SHANK2: variants seen among roughly 807,000 people sequenced by gnomAD.
SHANK2 encodes the protein SH3 and multiple ankyrin repeat domains 2.
Under a neutral mutation model 133.7 loss-of-function variants are expected in SHANK2, and 43 were observed. That is an observed-to-expected ratio of 0.32 (90% CI 0.25 to 0.41). The LOEUF (loss-of-function observed/expected upper bound fraction) is 0.41, where lower values mean the gene tolerates loss of function less well. Among genes scored for constraint, SHANK2 ranks in the 10% least tolerant of loss-of-function variants. SHANK2 has a pLI of 1.00. For missense variants in SHANK2, 1,994 were observed against 2,235.8 expected (o/e 0.89, Z 2.18); for synonymous variants, 1,017 against 952.8 (o/e 1.07, Z -1.24).
intron 17 of SHANK2, among the ~76,000 whole-genome samples, chr11:70,553,947 A>G (rs1701267650): frequency 2.6e-5 from 4 of 152,382 alleles, no homozygotes. Flanking sequence ...AAGAGGCTAC[A>G]GGCCTGGTGG....
chr11:70,508,601 G>A (rs1490237398), intron 17 of SHANK2, among the ~76,000 whole-genome samples: 2 of 152,198 alleles, frequency 1.3e-5, no homozygotes, highest in African/African-American at 4.8e-5. Context: ...TTATGAAAAG[G>A]GGAAATTTGG....
chr11:70,780,591 T>TTC (rs1555044911), intron 14 of SHANK2, among the ~76,000 whole-genome samples: 1 of 151,422 alleles, frequency 6.6e-6, no homozygotes, highest in African/African-American at 2.4e-5. Context: ...TTTTTTTTTT[T>TTC]CAGATAGAGT....
At chr11:70,783,390 T>C (rs1305037445) in intron 14 of SHANK2, among the ~76,000 whole-genome samples, 1 of 152,120 alleles carries the variant, frequency 6.6e-6, no homozygotes, top group African/African-American at 2.4e-5. Flanking sequence ...GGACTACGAC[T>C]GCCCACGGCG....
intron 14 of SHANK2, among the ~76,000 whole-genome samples, chr11:70,734,181 G>A (rs1411882249): frequency 1.3e-5 from 2 of 152,204 alleles, no homozygotes; most frequent in Admixed American, 6.5e-5. Context: ...CGGGCAGCAG[G>A]TGCGGCAGGG....
chr11:70,827,439 C>T (rs1428974232), intron 11 of SHANK2, among the ~76,000 whole-genome samples: 4 of 151,822 alleles, frequency 2.6e-5, no homozygotes, highest in Admixed American at 2.6e-4. Context: ...CCCTTGGAAG[C>T]CCTACATGGA....
At chr11:71,135,473 G>A (rs1952418818) in intron 3 of SHANK2, among the ~76,000 whole-genome samples, 1 of 149,944 alleles carries the variant, frequency 6.7e-6, no homozygotes, top group Admixed American at 6.8e-5. Flanking sequence ...CCCAGACTAG[G>A]GGGGATATGT....
Position 70,599,895 on chromosome 11 carries a change from AAGAAAGAAAGAGAAAGAAAG to A in SHANK2, c.2061+59913_2061+59932del, listed in dbSNP as rs1237787451. 3.0e-5 allele frequency among the ~76,000 whole-genome samples: 3 copies of A among 101,226 alleles called. No homozygotes were observed. The South Asian group carries it at 1.1e-3, about 36-fold the overall frequency. The allele number at this position is 101,226 out of a possible 152,430, so 66.4% of individuals were successfully genotyped here. The stretch of plus-strand genomic sequence containing the variant: ...AGAAAGAAAGAAAGAAAGAAAAAGA[AAGAAAGAAAGAGAAAGAAAG>A]AAAGAAAGAAAGAAAGAAAGAAAGA... On this transcript the variant is annotated intron_variant, in intron 17 of 25. Coordinates refer to ENST00000601538, the MANE Select transcript of SHANK2 (RefSeq NM_012309.5).
At chr11:70,559,313 C>T (rs1317460826) in intron 17 of SHANK2, among the ~76,000 whole-genome samples, 1 of 152,222 alleles carries the variant, frequency 6.6e-6, no homozygotes, top group African/African-American at 2.4e-5. Context: ...AGCCATCACA[C>T]CCGGCCCATA....
intron 15 of SHANK2, among the ~76,000 whole-genome samples, chr11:70,696,003 CA>C (rs1555022149): frequency 7.7e-6 from 1 of 130,074 alleles, no homozygotes; most frequent in East Asian, 2.1e-4. Context: ...GGTGAGGTCC[CA>C]GGACCTGGCA....
chr11:71,063,042 AAGAG>A (rs1308563172), intron 9 of SHANK2, among the ~76,000 whole-genome samples: 1 of 145,574 alleles, frequency 6.9e-6, no homozygotes, highest in African/African-American at 2.5e-5. Flanking sequence ...GAGAAAGAGA[AAGAG>A]AGAGAAAGAA....
At chr11:71,080,115 G>A (rs888466487) in intron 8 of SHANK2, among the ~76,000 whole-genome samples, 2 of 152,142 alleles carry the variant, frequency 1.3e-5, no homozygotes, top group African/African-American at 2.4e-5. Flanking sequence ...AGACAGCTGA[G>A]AGGGTGATAG....
At chr11:70,899,999 T>C (rs782634801) in intron 10 of SHANK2, among the ~76,000 whole-genome samples, 3 of 152,196 alleles carry the variant, frequency 2.0e-5, no homozygotes, top group Non-Finnish European at 2.9e-5. Context: ...TGTGTGGATT[T>C]ATTGAGATCT....
At chr11:70,831,895 G>A (rs1398569222) in intron 11 of SHANK2, among the ~76,000 whole-genome samples, 2 of 152,172 alleles carry the variant, frequency 1.3e-5, no homozygotes, top group Non-Finnish European at 2.9e-5. Context: ...TGCTGACTCT[G>A]TATCATGCCC....
In SHANK2 at chr11:71,242,691, T is replaced by C. The variant is rs182114761; in HGVS notation, c.-113+9734A>G. 5.9e-5 allele frequency among the ~76,000 whole-genome samples: 9 copies of C among 152,360 alleles called. No individual in the cohort carries two copies. In the East Asian group the frequency reaches 1.7e-3, roughly 29 times the overall value. ...TCGACCCTACAAGGGCAGAAATATT[T>C]GTCTGTCTGGTTCACTGTTGTATCC... On this transcript the variant is annotated intron_variant, in intron 1 of 25. Transcript: ENST00000601538.
chr11:71,089,291 G>A (rs981694918), intron 8 of SHANK2, among the ~76,000 whole-genome samples: 9 of 152,290 alleles, frequency 5.9e-5, no homozygotes, highest in Middle Eastern at 3.4e-3. Context: ...GCAGCAAGGA[G>A]AGGAGACGGG....
At chr11:71,179,142 G>T (rs1953502993) in intron 2 of SHANK2, among the ~76,000 whole-genome samples, 1 of 152,070 alleles carries the variant, frequency 6.6e-6, no homozygotes, top group Non-Finnish European at 1.5e-5. Flanking sequence ...AGAAAACACA[G>T]ACCAACATTC....
At chr11:71,080,852 G>T (rs1188594717) in intron 8 of SHANK2, among the ~76,000 whole-genome samples, 1 of 152,182 alleles carries the variant, frequency 6.6e-6, no homozygotes, top group Admixed American at 6.5e-5. Flanking sequence ...CTTCCTGCTG[G>T]CCCAGTAGTC....
intron 3 of SHANK2, among the ~76,000 whole-genome samples, chr11:71,138,615 G>A (rs1952492939): frequency 6.6e-6 from 1 of 151,588 alleles, no homozygotes; most frequent in Non-Finnish European, 1.5e-5. Flanking sequence ...CCAGGAGTTC[G>A]AAACCTCTCT....
intron 17 of SHANK2, among the ~76,000 whole-genome samples, chr11:70,568,371 C>T (rs1295058238): frequency 1.3e-5 from 2 of 152,150 alleles, no homozygotes; most frequent in Non-Finnish European, 2.9e-5. Flanking sequence ...GCCTCCTTGC[C>T]TCTCTCACAG....
Sources: gnomAD v4.1 joint callset for allele counts (sites outside exome capture counted in the v4.1 genomes callset) on GRCh38, gnomAD v4.1.1 for gene constraint, MANE v1.5 for transcripts, NCBI Gene and HGNC (gene_info 2026-07-23, HGNC 2026-07-21) for gene names.